The following CA10 variants were observed in gnomAD, a reference collection of about 807,000 sequenced individuals.
The protein encoded by CA10 is carbonic anhydrase-related protein 10.
Under a neutral mutation model 44.2 loss-of-function variants are expected in CA10, and 14 were observed. That is an observed-to-expected ratio of 0.32 (90% CI 0.21 to 0.50). CA10 has a LOEUF of 0.50. Ranked by LOEUF, CA10 falls within the 20% of genes least tolerant of loss-of-function variation. CA10 has a pLI of 0.99. For synonymous variants in CA10, 159 were observed against 141.6 expected, an observed-to-expected ratio of 1.12 and a Z score of -0.87; for missense variants, 350 against 409.7, an observed-to-expected ratio of 0.85 and a Z score of 1.26.
intron 3 of CA10, among the ~76,000 whole-genome samples, chr17:51,782,970 C>T (rs1262497654): frequency 6.6e-6 from 1 of 152,212 alleles, no homozygotes; most frequent in Non-Finnish European, 1.5e-5. Context: ...CCACCAATCT[C>T]CTTCCAGAAA....
intron 3 of CA10, among the ~76,000 whole-genome samples, chr17:51,758,826 C>T (rs1455414306): frequency 2.0e-5 from 3 of 152,202 alleles, no homozygotes; most frequent in Admixed American, 2.0e-4. Flanking sequence ...AATCCTGACA[C>T]AAAACCTTCG....
At chr17:51,689,844 T>C (rs1915128573) in intron 4 of CA10, among the ~76,000 whole-genome samples, 1 of 152,210 alleles carries the variant, frequency 6.6e-6, no homozygotes, top group Admixed American at 6.5e-5. Context: ...AATGTGATAA[T>C]GTTTTGAAAT....
chr17:51,736,809 C>G (rs1301300695), intron 4 of CA10, among the ~76,000 whole-genome samples: 1 of 152,142 alleles, frequency 6.6e-6, no homozygotes, highest in Non-Finnish European at 1.5e-5. Context: ...TAGCTTCCAT[C>G]TGGGAACTGT....
chr17:51,970,563 C>T (rs1162981999), intron 2 of CA10, among the ~76,000 whole-genome samples: 1 of 152,008 alleles, frequency 6.6e-6, no homozygotes, highest in Non-Finnish European at 1.5e-5. Flanking sequence ...AGATGTGTTG[C>T]TAATCCAATG....
chr17:51,917,723 G>T (rs1982060627), intron 3 of CA10, among the ~76,000 whole-genome samples: 1 of 152,110 alleles, frequency 6.6e-6, no homozygotes, highest in Non-Finnish European at 1.5e-5. Flanking sequence ...GCACCAAGAG[G>T]ATGGCACTCA....
chr17:51,719,986 A>G (rs1461903401), intron 4 of CA10, among the ~76,000 whole-genome samples: 2 of 152,228 alleles, frequency 1.3e-5, no homozygotes, highest in African/African-American at 4.8e-5. Context: ...ACTCTAGAAC[A>G]TAATAGGCAT....
chr17:51,718,777 C>T (rs1193456486), intron 4 of CA10, among the ~76,000 whole-genome samples: 2 of 152,176 alleles, frequency 1.3e-5, no homozygotes, highest in African/African-American at 2.4e-5. Flanking sequence ...AGAGAATACC[C>T]AGCTGGTGTC....
intron 3 of CA10, among the ~76,000 whole-genome samples, chr17:51,822,422 CAAAA>C (rs960998460): frequency 4.0e-5 from 6 of 150,552 alleles, no homozygotes; most frequent in East Asian, 2.0e-4. Context: ...CTCAAAAAAA[CAAAA>C]CAAAAACAAA....
chr17:52,064,105 C>G (rs983714060), intron 2 of CA10, among the ~76,000 whole-genome samples: 1 of 152,202 alleles, frequency 6.6e-6, no homozygotes, highest in Non-Finnish European at 1.5e-5. Context: ...CACTTTCCTG[C>G]CAACCTTGAA....
At chr17:51,989,720 A>G (rs1984974231) in intron 2 of CA10, among the ~76,000 whole-genome samples, 1 of 152,110 alleles carries the variant, frequency 6.6e-6, no homozygotes, top group South Asian at 2.1e-4. Context: ...GTTTCTAACA[A>G]GCACTCAAAT....
In CA10 at chr17:51,940,918, C is replaced by A. The variant is rs189913366; in HGVS notation, c.137-9786G>T. 2.8e-4 allele frequency among the ~76,000 whole-genome samples: 43 copies of A among 152,156 alleles called. No homozygotes were observed. The South Asian group carries it at 3.9e-3, about 14-fold the overall frequency. On this transcript the variant is annotated intron_variant, in intron 2 of 8. Coordinates refer to ENST00000451037, the MANE Select transcript of CA10 (RefSeq NM_020178.5). ...GTCCACCAAAGTGATAGTGAAAAAT[C>A]AAAACAATAAAATTAGCAATGATCA...
intron 4 of CA10, among the ~76,000 whole-genome samples, chr17:51,676,509 A>G (rs1914630025): frequency 6.6e-6 from 1 of 152,186 alleles, no homozygotes; most frequent in African/African-American, 2.4e-5. Flanking sequence ...TCTGGGGGTG[A>G]GGCCCAGGAA....
rs118016346 is a variant in CA10 at position 51,721,943 on chromosome 17, G to A, written c.465+25690C>T. The stretch of plus-strand genomic sequence containing the variant: ...TATTATGTTTCCTTGAGTTCTGTGA[G>A]TCATTCTAGCAAATTATCAAACATG... On this transcript the variant is annotated intron_variant, in intron 4 of 8. Coordinates refer to ENST00000451037, the MANE Select transcript of CA10 (RefSeq NM_020178.5). Among the ~76,000 whole-genome samples the A allele has an allele frequency of 5.0e-3, 761 of 152,196 alleles. 1 individual carries two copies. The highest frequency in any genetic ancestry group is 8.6e-3 in the Non-Finnish European group (586 of 68,012).
At chr17:51,859,708 ATAT>A (rs1019687003) in intron 3 of CA10, among the ~76,000 whole-genome samples, 7 of 152,130 alleles carry the variant, frequency 4.6e-5, no homozygotes, top group African/African-American at 1.4e-4. Context: ...AATGGGGATA[ATAT>A]TATTTATTTC....
chr17:52,100,958 C>A (rs1988524257), intron 1 of CA10, among the ~76,000 whole-genome samples: 1 of 152,190 alleles, frequency 6.6e-6, no homozygotes, highest in Non-Finnish European at 1.5e-5. Context: ...GCTACTCTGA[C>A]TTACAGTCCA....
At chr17:51,956,098 GAA>G (rs1380324162) in intron 2 of CA10, among the ~76,000 whole-genome samples, 1 of 152,026 alleles carries the variant, frequency 6.6e-6, no homozygotes, top group African/African-American at 2.4e-5. Context: ...AAAGCATAAA[GAA>G]TGATATTAAA....
chr17:52,132,920 G>C (rs1367891574), intron 1 of CA10, among the ~76,000 whole-genome samples: 1 of 152,174 alleles, frequency 6.6e-6, no homozygotes, highest in Non-Finnish European at 1.5e-5. Flanking sequence ...CCTTGGAGCA[G>C]AGCCTAATAT....
intron 4 of CA10, among the ~76,000 whole-genome samples, chr17:51,697,363 A>C (rs368841770): frequency 6.6e-6 from 1 of 152,118 alleles, no homozygotes; most frequent in Non-Finnish European, 1.5e-5. Context: ...CCTCAAATTC[A>C]CTGGGCAAGT....
intron 1 of CA10, among the ~76,000 whole-genome samples, chr17:52,148,206 T>C (rs1446305275): frequency 1.3e-5 from 2 of 152,112 alleles, no homozygotes; most frequent in African/African-American, 4.8e-5. Context: ...AGCACTCTAG[T>C]TCAACACACT....
Sources: allele counts gnomAD v4.1 joint callset (sites outside exome capture counted in the v4.1 genomes callset), GRCh38; gene constraint gnomAD v4.1.1; transcripts MANE v1.5; gene names NCBI Gene and HGNC (gene_info 2026-07-23, HGNC 2026-07-21).